GCC2: variants seen among roughly 807,000 people sequenced by gnomAD.
The protein encoded by GCC2 is GRIP and coiled-coil domain-containing protein 2.
In GCC2, 120 loss-of-function variants were observed where a neutral mutation model predicts 210.6. The ratio of observed to expected loss-of-function variants is 0.57; its 90% CI spans 0.49 to 0.66. GCC2 has a LOEUF of 0.66. Ranked by LOEUF, GCC2 falls within the 30% of genes least tolerant of loss-of-function variation. The pLI, the probability that GCC2 is intolerant of heterozygous loss-of-function variation, is 0.00. For synonymous variants in GCC2, 703 were observed against 652.7 expected (o/e 1.08, Z -1.17); for missense variants, 1,868 against 1,871.9 (o/e 1.00, Z 0.04).
At chr2:108,496,303 G>A (rs1284267239) in intron 20 of GCC2, 1 of 152,690 alleles carries the variant, frequency 6.5e-6, no homozygotes, top group Non-Finnish European at 1.5e-5. Context: ...TAATATTACT[G>A]TTCAAAATTT....
Position 108,487,800 on chromosome 2 carries a change from T to A in GCC2, c.4032T>A (p.Thr1344=). 1 of 1,612,974 alleles carries A rather than the reference T, an allele frequency of 6.2e-7. No homozygotes were observed. Among genetic ancestry groups the A allele is most frequent in the Non-Finnish European group, 8.5e-7 (1 of 1,179,534 alleles). ...ATAAATCTATGTCTCAGGCTGAAAC[T>A]GAGGGCGCTAAACAAGAAAGGTAAA... The part of the protein sequence containing the change: ...QKNKSMSQAE[T]EGAKQEREHL... Residue 1344 remains threonine, a synonymous_variant, in exon 17 of 23, where the codon ACT becomes ACA. Transcript: ENST00000309863.
intron 4 of GCC2, among the ~76,000 whole-genome samples, chr2:108,461,063 T>G (rs1680544221): frequency 6.6e-6 from 1 of 152,218 alleles, no homozygotes; most frequent in Non-Finnish European, 1.5e-5. Flanking sequence ...CTTTATAAAT[T>G]ACCCAGGCTC....
intron 4 of GCC2, among the ~76,000 whole-genome samples, chr2:108,460,676 T>C (rs1680521944): frequency 6.6e-6 from 1 of 152,228 alleles, no homozygotes. Flanking sequence ...TTATTTCTCC[T>C]TCATTTATGA....
At chr2:108,453,322 T>C (rs1680059828) in intron 4 of GCC2, among the ~76,000 whole-genome samples, 1 of 152,246 alleles carries the variant, frequency 6.6e-6, no homozygotes, top group African/African-American at 2.4e-5. Context: ...ATTATAGCTT[T>C]AAGATATTGT....
intron 17 of GCC2, among the ~76,000 whole-genome samples, chr2:108,488,889 C>A (rs913789120): frequency 6.6e-6 from 1 of 152,116 alleles, no homozygotes; most frequent in African/African-American, 2.4e-5. Context: ...TATTTTCTTT[C>A]CAGTAGCTCA....
Position 108,471,491 on chromosome 2 carries a change from A to G in GCC2, c.2162A>G (p.Lys721Arg). The G allele has an allele frequency of 6.2e-7, 1 of 1,609,738 alleles. No homozygotes were observed. Residue 721 changes from lysine to arginine, a missense_variant, in exon 6 of 23, where the codon AAA becomes AGA. Around this residue, in one of 3 missense-constraint regions of GCC2, gnomAD observed 1,847 missense variants for 1,765.2 expected, o/e 1.05. Coordinates refer to ENST00000309863, the MANE Select transcript of GCC2 (RefSeq NM_181453.4). ...FLSQKEDVILKEHITQLEKKL... is the reference protein window; with the variant it reads ...FLSQKEDVILREHITQLEKKL... ...TCTCAAAAAGAAGATGTTATCCTTA[A>G]AGAACATATTACTCAATTAGAAAAG... is the stretch of plus-strand genomic sequence containing the variant.
intron 16 of GCC2, among the ~76,000 whole-genome samples, chr2:108,486,989 G>A (rs1489937024): frequency 2.6e-5 from 4 of 152,136 alleles, no homozygotes; most frequent in Non-Finnish European, 5.9e-5. Context: ...TAGCATGGCT[G>A]TGGGGGCCTA....
At chr2:108,477,116 T>A (rs189544045) in intron 9 of GCC2, among the ~76,000 whole-genome samples, 1 of 152,292 alleles carries the variant, frequency 6.6e-6, no homozygotes, top group Admixed American at 6.5e-5. Flanking sequence ...TTGACAGAAT[T>A]CTAAGTTTTA....
chr2:108,456,237 G>A (rs553418350), intron 4 of GCC2, among the ~76,000 whole-genome samples: 39 of 152,090 alleles, frequency 2.6e-4, no homozygotes, highest in African/African-American at 8.7e-4. Context: ...AGCCAGCCTC[G>A]GCCTCCCAAA....
rs150078317 is a variant in GCC2, at chr2:108,471,353, T to G, written c.2024T>G (p.Val675Gly). 8 of 1,610,876 alleles carry G rather than the reference T, an allele frequency of 5.0e-6. No individual in the cohort carries two copies. The African/African-American group carries it at 9.4e-5, about 19-fold the overall frequency. Residue 675 changes from valine to glycine, a missense_variant, in exon 6 of 23, where the codon GTT becomes GGT. By Grantham distance (109) the Val-to-Gly change is moderately radical (BLOSUM62 -3). This residue lies in a region of GCC2 where 1,847 missense variants were observed against 1,765.2 expected (regional missense o/e 1.05). Coordinates refer to ENST00000309863, the MANE Select transcript of GCC2 (RefSeq NM_181453.4). Reference protein sequence around the residue: ...KLEKLMVQMKVLSEDKEVLSA... With the variant: ...KLEKLMVQMKGLSEDKEVLSA... ...GAAAAACTTATGGTTCAAATGAAAG[T>G]TCTCTCTGAAGACAAAGAAGTATTG...
At chr2:108,452,373 G>A (rs1370411013) in intron 3 of GCC2, 26 bp from the exon 4 acceptor site, 2 of 1,165,384 alleles carry the variant, frequency 1.7e-6, no homozygotes, top group Admixed American at 1.7e-5. Flanking sequence ...TTCTGAACCG[G>A]AGTCCTTTAT....
chr2:108,491,204 G>A (rs988627697), intron 18 of GCC2, among the ~76,000 whole-genome samples: 2 of 152,176 alleles, frequency 1.3e-5, no homozygotes, highest in African/African-American at 2.4e-5. Context: ...TAACAACTGA[G>A]ACAGAACAGT....
At position 108,469,736 on chromosome 2, in the gene GCC2, A is replaced by G. The variant is rs1026821005; in HGVS notation, c.407A>G (p.Asn136Ser). ...GTGAAAGAAATTGAAAATTTGAAAAATGAGTTGATGGCAGTACGTTCCAAA... is the reference window on the plus strand; with the variant it reads ...GTGAAAGAAATTGAAAATTTGAAAAGTGAGTTGATGGCAGTACGTTCCAAA... ...NYVKEIENLK[N>S]ELMAVRSKYS... The change falls in exon 6 of 23, where the codon AAT (asparagine) becomes AGT (serine). Residue 136 changes from asparagine to serine, a missense_variant. Coordinates refer to ENST00000309863, the MANE Select transcript of GCC2 (RefSeq NM_181453.4). The G allele has an allele frequency of 3.1e-6, 5 of 1,613,084 alleles. No homozygotes were observed. In the African/African-American group the frequency reaches 4.0e-5, roughly 13 times the overall value.
intron 4 of GCC2, among the ~76,000 whole-genome samples, chr2:108,468,136 G>C (rs1416682658): frequency 6.6e-6 from 1 of 150,704 alleles, no homozygotes; most frequent in African/African-American, 2.4e-5. Context: ...ATCTTGGCTC[G>C]CTGCAACCCC....
At position 108,483,043 on chromosome 2, in the gene GCC2, T is replaced by C; in HGVS notation, c.3346-19T>C. 1 of 1,351,354 alleles carries C rather than the reference T, an allele frequency of 7.4e-7. No individual in the cohort carries two copies. The highest frequency in any genetic ancestry group is 1.1e-6 in the Non-Finnish European group (1 of 943,150). 83.7% of individuals were successfully genotyped at this position (1,351,354 alleles called of 1,614,324 possible). ...AATATTGGTTGGGTGGTGTGGGTTGTTTTTATTTTTAATTTCAGGAACATG... is the reference window on the plus strand; with the variant it reads ...AATATTGGTTGGGTGGTGTGGGTTGCTTTTATTTTTAATTTCAGGAACATG... On this transcript the variant is annotated intron_variant, in intron 11 of 22. Transcript: ENST00000309863.
At chr2:108,464,583 T>A (rs1236964526) in intron 4 of GCC2, among the ~76,000 whole-genome samples, 1 of 152,104 alleles carries the variant, frequency 6.6e-6, no homozygotes, top group Non-Finnish European at 1.5e-5. Context: ...CAGCTGAGAG[T>A]CTCTCACTTA....
chr2:108,496,242 G>A, intron 20 of GCC2: 1 of 151,752 alleles, frequency 6.6e-6, no homozygotes, highest in Non-Finnish European at 1.5e-5. Flanking sequence ...TCTTGATGAA[G>A]TAATGCTAAA....
chr2:108,449,810 G>A, intron 2 of GCC2, 121 bp downstream of exon 2: 1 of 713,014 alleles, frequency 1.4e-6, no homozygotes, highest in East Asian at 2.6e-5. Flanking sequence ...TGCTCCAAGG[G>A]ATCTCAATTT....
At position 108,481,764 on chromosome 2, in the gene GCC2, T is replaced by C; in HGVS notation, c.3128T>C (p.Phe1043Ser). 1 of 1,604,274 alleles carries C rather than the reference T, an allele frequency of 6.2e-7. No homozygotes were observed. Among genetic ancestry groups the C allele is most frequent in the East Asian group, 2.2e-5 (1 of 44,706 alleles). ...GTGGAAAAAGAACGTGCTAATAATT[T>C]TGAGCATCGTATTGAAGACCTTACA... ...LDVEKERANN[F>S]EHRIEDLTRQ... is the part of the protein sequence containing the mutation. The change falls in exon 10 of 23, where the codon TTT becomes TCT. Residue 1043 changes from phenylalanine (F) to serine (S), a missense_variant. This residue lies in a region of GCC2 where 1,847 missense variants were observed against 1,765.2 expected (regional missense o/e 1.05). Coordinates refer to ENST00000309863, the MANE Select transcript of GCC2 (RefSeq NM_181453.4).
Sources: allele counts gnomAD v4.1 joint callset (sites outside exome capture counted in the v4.1 genomes callset), GRCh38; gene constraint gnomAD v4.1.1; regional missense constraint gnomAD v4.1.1; transcripts MANE v1.5; gene names NCBI Gene and HGNC (gene_info 2026-07-23, HGNC 2026-07-21).